Variants in NFKBIL1 observed in about 807,000 individuals in gnomAD.
NFKBIL1 encodes the protein NFKB inhibitor like 1, also known as NF-kappa-B inhibitor-like protein 1.
NFKBIL1 carries 30 observed loss-of-function variants against 45.4 expected under a neutral mutation model. The ratio of observed to expected loss-of-function variants is 0.66; its 90% CI spans 0.49 to 0.90. NFKBIL1 has a LOEUF of 0.90. Among genes scored for constraint, NFKBIL1 ranks in the 40% least tolerant of loss-of-function variants. NFKBIL1 has a pLI of 0.00. For synonymous variants in NFKBIL1, 179 were observed against 197.3 expected, an observed-to-expected ratio of 0.91 and a Z score of 0.78; for missense variants, 434 against 513.4, an observed-to-expected ratio of 0.85 and a Z score of 1.49.
At position 31,558,783 on chromosome 6, in the gene NFKBIL1, G is replaced by T. The variant is rs1769942151; in HGVS notation, c.*172G>T. On this transcript the variant is annotated 3_prime_UTR_variant, in exon 4 of 4. Coordinates refer to ENST00000376148, the MANE Select transcript of NFKBIL1 (RefSeq NM_005007.4). The surrounding 1 kb of genome is among the most constrained non-coding windows in gnomAD (Gnocchi z 7.2). The stretch of plus-strand genomic sequence containing the variant: ...GTGGGGGGTGCGGGCCGCCACCACT[G>T]CTCCTTGACTCTGCCGTTTCCTAAT... The T allele has an allele frequency of 8.7e-6, 5 of 576,022 alleles. No individual in the cohort carries two copies. The Admixed American group carries it at 1.5e-4, about 17-fold the overall frequency. 35.7% of individuals were successfully genotyped at this position (576,022 alleles called of 1,614,324 possible).
chr6:31,548,212 G>A lies in NFKBIL1; in HGVS notation c.107G>A (p.Arg36His). 4 of 1,613,124 alleles carry A rather than the reference G, an allele frequency of 2.5e-6. No homozygotes were observed. Among genetic ancestry groups the A allele is most frequent in the Non-Finnish European group, 3.4e-6 (4 of 1,180,044 alleles). The change falls in exon 2 of 4, where the codon CGC becomes CAC. Residue 36 changes from arginine (R) to histidine (H), a missense_variant. Physicochemically the swap from Arg to His is conservative, Grantham distance 29. Transcript: ENST00000376148. Reference sequence around the variant, plus strand: ...TCCCGCCGCCAACGCCGAGAACGTCGCTTTCGTCGTTACTTGTCTGCAGGA... The same window carrying A: ...TCCCGCCGCCAACGCCGAGAACGTCACTTTCGTCGTTACTTGTCTGCAGGA... The part of the protein sequence containing the change: ...STSRRQRRER[R>H]FRRYLSAGRL...
At position 31,554,741 on chromosome 6, in the gene NFKBIL1, C is replaced by A. The variant is rs140933705; in HGVS notation, c.335-2887C>A. On this transcript the variant is annotated intron_variant, in intron 2 of 3. Transcript: ENST00000376148. ...GCAGTTTGACCAAATTGCGCATGTC[C>A]TTTGACTCAGAAATTCCACTTATGA... 4.4e-3 allele frequency among the ~76,000 whole-genome samples: 672 copies of A among 152,302 alleles called. 3 individuals carry two copies. Among genetic ancestry groups the A allele is most frequent in the Middle Eastern group, 0.01 (3 of 294 alleles).
chr6:31,549,418 A>AT (rs1769304905), intron 2 of NFKBIL1, among the ~76,000 whole-genome samples: 1 of 150,306 alleles, frequency 6.7e-6, no homozygotes, highest in Non-Finnish European at 1.5e-5. Context: ...CGCCCAGCTA[A>AT]TTTTTATATT....
At chr6:31,554,169 G>A in intron 2 of NFKBIL1, among the ~76,000 whole-genome samples, 1 of 152,150 alleles carries the variant, frequency 6.6e-6, no homozygotes, top group Non-Finnish European at 1.5e-5. Flanking sequence ...ACTTTGGGAT[G>A]CCAAGGTAGG....
At chr6:31,550,888 T>A (rs1217483565) in intron 2 of NFKBIL1, among the ~76,000 whole-genome samples, 1 of 152,166 alleles carries the variant, frequency 6.6e-6, no homozygotes, top group Non-Finnish European at 1.5e-5. Flanking sequence ...GGTTTCTCCG[T>A]GTTGGTCAGG....
At chr6:31,556,588 G>A in intron 2 of NFKBIL1, 2 of 434,630 alleles carry the variant, frequency 4.6e-6, no homozygotes, top group Non-Finnish European at 9.5e-6. Context: ...ATGCAGCAAG[G>A]TTGGGACTGA....
Position 31,558,170 on chromosome 6 carries a change from C to G in NFKBIL1, c.705C>G (p.Ser235Arg). 1 of 1,610,290 alleles carries G rather than the reference C, an allele frequency of 6.2e-7. No individual in the cohort carries two copies. The highest frequency in any genetic ancestry group is 2.2e-5 in the East Asian group (1 of 44,838). The change falls in exon 4 of 4, where the codon AGC becomes AGG. Residue 235 changes from serine to arginine, a missense_variant. Ser to Arg is a moderately radical substitution (Grantham distance 110, BLOSUM62 -1). Around this residue, in one of 4 missense-constraint regions of NFKBIL1, gnomAD observed 128 missense variants for 106.5 expected, o/e 1.20. Transcript: ENST00000376148. The surrounding 1 kb of genome is among the most constrained non-coding windows in gnomAD (Gnocchi z 7.2). The stretch of plus-strand genomic sequence containing the variant: ...CACGTGCTGAGGGCTCCAGCCAGAG[C>G]TGGCGACAGCAGGAGGAGGAGCAGC... ...RPPRAEGSSQ[S>R]WRQQEEEQRL...
rs2239707 is a variant in NFKBIL1 at position 31,557,542 on chromosome 6, C to T, written c.335-86C>T. ...TTCCATTGCTTTAAGACCAAGGGAGCGAGTGACCAGCAGGATTCAAGATGG... is the reference window on the plus strand; with the variant it reads ...TTCCATTGCTTTAAGACCAAGGGAGTGAGTGACCAGCAGGATTCAAGATGG... On this transcript the variant is annotated intron_variant, in intron 2 of 3. Coordinates refer to ENST00000376148, the MANE Select transcript of NFKBIL1 (RefSeq NM_005007.4). The surrounding 1 kb of genome is among the most constrained non-coding windows in gnomAD (Gnocchi z 5.4). 0.7 allele frequency: 764,111 copies of T among 1,089,910 alleles called. 269,884 individuals are homozygous for T. The highest frequency in any genetic ancestry group is 0.87 in the African/African-American group (55,202 of 63,232). The allele number at this position is 1,089,910 out of a possible 1,614,324, so 67.5% of individuals were successfully genotyped here.
At chr6:31,553,286 A>G (rs2150364268) in intron 2 of NFKBIL1, among the ~76,000 whole-genome samples, 1 of 151,670 alleles carries the variant, frequency 6.6e-6, no homozygotes, top group Admixed American at 6.6e-5. Flanking sequence ...TGATCCACCC[A>G]CCTCAGCTTC....
At chr6:31,551,563 T>C (rs1414318277) in intron 2 of NFKBIL1, among the ~76,000 whole-genome samples, 1 of 152,120 alleles carries the variant, frequency 6.6e-6, no homozygotes, top group Non-Finnish European at 1.5e-5. Context: ...AACTCCTTGG[T>C]TGAAAGGCCC....
intron 2 of NFKBIL1, among the ~76,000 whole-genome samples, chr6:31,553,504 A>G (rs1050124975): frequency 2.6e-5 from 4 of 152,186 alleles, no homozygotes; most frequent in Non-Finnish European, 4.4e-5. Context: ...GGGAGGAATG[A>G]AACTTGGAAG....
intron 2 of NFKBIL1, chr6:31,556,656 GA>G: frequency 2.2e-6 from 1 of 457,132 alleles, no homozygotes; most frequent in Middle Eastern, 3.2e-4. Context: ...GCCCATGGGT[GA>G]GACCCTCTGT....
In NFKBIL1 at chr6:31,555,899, TCC is replaced by T. The variant is rs35902906; in HGVS notation, c.335-1719_335-1718del. On this transcript the variant is annotated intron_variant, in intron 2 of 3. Transcript: ENST00000376148. ...GAACTCCTGACCTTGTGATCCATTG[TCC>T]CCCCCCCCCAGCCTCCCAAAGTGCT... Among the ~76,000 whole-genome samples the T allele has an allele frequency of 5.6e-4, 82 of 146,022 alleles. No individual in the cohort carries two copies. The Middle Eastern group carries it at 0.01, about 19-fold the overall frequency.
At chr6:31,549,097 A>T (rs972220079) in intron 2 of NFKBIL1, among the ~76,000 whole-genome samples, 17 of 152,188 alleles carry the variant, frequency 1.1e-4, no homozygotes, top group African/African-American at 4.1e-4. Flanking sequence ...TATACATTAT[A>T]GCATTGTACA....
chr6:31,557,698 G>A lies in NFKBIL1; in HGVS notation c.405G>A (p.Gly135=). Residue 135 remains glycine, a synonymous_variant, in exon 3 of 4, where the codon GGG becomes GGA. Transcript: ENST00000376148. The surrounding 1 kb of genome is among the most constrained non-coding windows in gnomAD (Gnocchi z 5.4). ...CCATGGGAATAAAGAATAAGGATGG[G>A]GAGACCCCTGGCCAAATTTTGGGCT... ...PSAMGIKNKD[G]ETPGQILGWG... 1.2e-6 allele frequency: 2 copies of A among 1,605,636 alleles called. No homozygotes were observed. The highest frequency in any genetic ancestry group is 1.1e-5 in the South Asian group (1 of 89,796).
rs1050895288 is a variant in NFKBIL1 at position 31,558,727 on chromosome 6, T to C, written c.*116T>C. On this transcript the variant is annotated 3_prime_UTR_variant, in exon 4 of 4. Transcript: ENST00000376148. This position sits in a 1 kb window ranked among gnomAD's most constrained non-coding sequence, Gnocchi z 7.2. Reference sequence around the variant, plus strand: ...GCCAGGTGCTGCTCAGCAGAGGATATGGGTGGGAGCGAAAGTTGTAACAAG... The same window carrying C: ...GCCAGGTGCTGCTCAGCAGAGGATACGGGTGGGAGCGAAAGTTGTAACAAG... The C allele has an allele frequency of 1.2e-5, 10 of 841,372 alleles. No homozygotes were observed. The African/African-American group carries it at 1.8e-4, about 15-fold the overall frequency. The allele number at this position is 841,372 out of a possible 1,614,324, so 52.1% of individuals were successfully genotyped here. A position where few individuals can be genotyped will look rare whatever the true frequency, so the allele number is the denominator to read the frequency against.
At chr6:31,553,072 C>T (rs11752976) in intron 2 of NFKBIL1, among the ~76,000 whole-genome samples, 6,173 of 145,084 alleles carry the variant, frequency 0.043, 234 homozygotes, top group South Asian at 0.16. Flanking sequence ...GACAGAGTCT[C>T]GCTGTGTCAC....
chr6:31,547,542 A>G (rs1429881870), upstream of NFKBIL1: 2 of 499,072 alleles, frequency 4.0e-6, no homozygotes, highest in Non-Finnish European at 7.0e-6. Context: ...CGCCCCTCAC[A>G]GTTCACTTCC....
At chr6:31,554,936 A>G (rs956829003) in intron 2 of NFKBIL1, among the ~76,000 whole-genome samples, 6 of 152,266 alleles carry the variant, frequency 3.9e-5, no homozygotes, top group Admixed American at 2.6e-4. Flanking sequence ...GTGGAAAAAT[A>G]TAAATGAGAT....
Sources: gnomAD v4.1 joint callset for allele counts (sites outside exome capture counted in the v4.1 genomes callset) on GRCh38, gnomAD v4.1.1 for gene constraint, gnomAD v4.1.1 regional missense constraint, Gnocchi (gnomAD v3.1) non-coding constraint, MANE v1.5 for transcripts, NCBI Gene and HGNC (gene_info 2026-07-23, HGNC 2026-07-21) for gene names.